CDH8: variants seen among roughly 807,000 people sequenced by gnomAD.
The protein encoded by CDH8 is cadherin-8.
In CDH8, 17 loss-of-function variants were observed where a neutral mutation model predicts 68.1. The ratio of observed to expected loss-of-function variants is 0.25; its 90% CI spans 0.17 to 0.37. The LOEUF (loss-of-function observed/expected upper bound fraction) is 0.37, where lower values mean the gene tolerates loss of function less well. CDH8 is among the 10% of genes least tolerant of loss of function. CDH8 has a pLI of 1.00. For synonymous variants in CDH8, 372 were observed against 365.1 expected, an observed-to-expected ratio of 1.02 and a Z score of -0.21; for missense variants, 763 against 999.3, an observed-to-expected ratio of 0.76 and a Z score of 3.19.
chr16:61,810,010 G>T (rs1291242086), intron 7 of CDH8, among the ~76,000 whole-genome samples: 1 of 152,156 alleles, frequency 6.6e-6, no homozygotes, highest in Non-Finnish European at 1.5e-5. Flanking sequence ...CGGCATAAAT[G>T]CACTTTTATA....
chr16:61,975,212 T>G (rs1965413998), intron 2 of CDH8, among the ~76,000 whole-genome samples: 2 of 151,468 alleles, frequency 1.3e-5, no homozygotes, highest in Non-Finnish European at 2.9e-5. Context: ...AGGAAGAAAG[T>G]GCCACTGACA....
chr16:61,684,789 C>T (rs1964076934), intron 10 of CDH8, among the ~76,000 whole-genome samples: 1 of 151,958 alleles, frequency 6.6e-6, no homozygotes, highest in South Asian at 2.1e-4. Flanking sequence ...CCAAGTTATT[C>T]ATCTCCCTTA....
chr16:61,951,000 G>GT (rs1964888120), intron 2 of CDH8, among the ~76,000 whole-genome samples: 1 of 151,866 alleles, frequency 6.6e-6, no homozygotes, highest in East Asian at 1.9e-4. Flanking sequence ...CATGACACAA[G>GT]TTTACTTATG....
At chr16:61,959,417 G>A (rs1475716538) in intron 2 of CDH8, among the ~76,000 whole-genome samples, 3 of 151,798 alleles carry the variant, frequency 2.0e-5, no homozygotes, top group Admixed American at 2.0e-4. Context: ...TAAGAATCTC[G>A]AGACAATGAC....
chr16:61,721,708 G>C (rs1245046303), intron 9 of CDH8, among the ~76,000 whole-genome samples: 1 of 150,718 alleles, frequency 6.6e-6, no homozygotes, highest in African/African-American at 2.4e-5. Context: ...TATTTTATAA[G>C]AGATGTGTCA....
chr16:61,807,237 T>C (rs867486674), intron 7 of CDH8, among the ~76,000 whole-genome samples: 4,364 of 148,800 alleles, frequency 0.029, 206 homozygotes, highest in African/African-American at 0.1. Flanking sequence ...AAACCAAACA[T>C]GGCATATTCT....
chr16:62,031,220 TC>T (rs1297379765), intron 1 of CDH8, among the ~76,000 whole-genome samples: 1 of 152,172 alleles, frequency 6.6e-6, no homozygotes, highest in Non-Finnish European at 1.5e-5. Context: ...TATTCCCATA[TC>T]ATTTAAAAGA....
chr16:61,984,416 C>T lies in CDH8; in HGVS notation c.252+36736G>A, dbSNP rs928560570. On this transcript the variant is annotated intron_variant, in intron 2 of 11. Coordinates refer to ENST00000577390, the MANE Select transcript of CDH8 (RefSeq NM_001796.5). ...TTTTTTTGTATGTTACAGAGAAACA[C>T]GTTTCTTTTTCCTCATCTTTTGCTC... Among the ~76,000 whole-genome samples the T allele has an allele frequency of 7.3e-5, 11 of 151,004 alleles. No homozygotes were observed. The South Asian group carries it at 1.3e-3, about 17-fold the overall frequency.
chr16:61,859,074 A>G (rs574955830), intron 3 of CDH8, among the ~76,000 whole-genome samples: 1 of 152,250 alleles, frequency 6.6e-6, no homozygotes, highest in Non-Finnish European at 1.5e-5. Context: ...GATAATAATA[A>G]TATTTGTTGA....
intron 10 of CDH8, among the ~76,000 whole-genome samples, chr16:61,689,059 A>G (rs981890626): frequency 1.3e-5 from 2 of 152,172 alleles, no homozygotes; most frequent in African/African-American, 4.8e-5. Flanking sequence ...AACCCAAAAG[A>G]TTAGAAACAT....
chr16:61,824,681 A>G (rs1962290171), intron 5 of CDH8, among the ~76,000 whole-genome samples: 1 of 151,866 alleles, frequency 6.6e-6, no homozygotes, highest in Non-Finnish European at 1.5e-5. Flanking sequence ...TGGGGCTAAT[A>G]ATAGAGCAAT....
intron 2 of CDH8, among the ~76,000 whole-genome samples, chr16:61,906,260 G>C (rs1964060014): frequency 6.6e-6 from 1 of 152,182 alleles, no homozygotes; most frequent in Non-Finnish European, 1.5e-5. Flanking sequence ...TGGAAGCAAA[G>C]AGAAAGGGGA....
chr16:61,948,873 C>G (rs1046370776), intron 2 of CDH8, among the ~76,000 whole-genome samples: 3 of 152,146 alleles, frequency 2.0e-5, no homozygotes, highest in Non-Finnish European at 4.4e-5. Flanking sequence ...GTGGGTCACA[C>G]AAGTATACTA....
chr16:61,926,217 A>T (rs561358634), intron 2 of CDH8, among the ~76,000 whole-genome samples: 2 of 151,704 alleles, frequency 1.3e-5, no homozygotes, highest in South Asian at 2.1e-4. Context: ...CAAGTGGGAA[A>T]ATAAAATCTA....
intron 3 of CDH8, among the ~76,000 whole-genome samples, chr16:61,876,509 G>C (rs958087472): frequency 5.3e-5 from 8 of 151,988 alleles, no homozygotes; most frequent in Admixed American, 2.6e-4. Context: ...CTGGACATTT[G>C]CTTGCATGAC....
chr16:61,959,496 C>T (rs1435330729), intron 2 of CDH8, among the ~76,000 whole-genome samples: 2 of 151,162 alleles, frequency 1.3e-5, no homozygotes, highest in African/African-American at 2.4e-5. Flanking sequence ...ACTGGTTACT[C>T]GCAAAAGCCA....
chr16:61,825,357 G>C (rs74325326), intron 4 of CDH8, among the ~76,000 whole-genome samples, 178 bp from the exon 5 acceptor site: 6,293 of 151,768 alleles, frequency 0.041, 148 homozygotes, highest in Admixed American at 0.073. Flanking sequence ...GAAAGACTGT[G>C]GTCATAGACA....
intron 10 of CDH8, among the ~76,000 whole-genome samples, chr16:61,662,188 C>T (rs1452892540): frequency 7.0e-6 from 1 of 143,132 alleles, no homozygotes; most frequent in Non-Finnish European, 1.5e-5. Context: ...CTTGGCTGTT[C>T]ACTACCTCTA....
intron 2 of CDH8, among the ~76,000 whole-genome samples, chr16:61,910,042 AT>A (rs1280182973): frequency 1.3e-5 from 2 of 152,114 alleles, no homozygotes; most frequent in African/African-American, 4.8e-5. Context: ...CACAAATCTC[AT>A]TTTTTTATAA....
Sources: gnomAD v4.1 joint callset for allele counts (sites outside exome capture counted in the v4.1 genomes callset) on GRCh38, gnomAD v4.1.1 for gene constraint, MANE v1.5 for transcripts, NCBI Gene and HGNC (gene_info 2026-07-23, HGNC 2026-07-21) for gene names.